The following TPD52 variants were observed in gnomAD, a reference collection of about 807,000 sequenced individuals.
The protein encoded by TPD52 is prostate and colon associated protein.
Under a neutral mutation model 31.3 loss-of-function variants are expected in TPD52, and 17 were observed. The ratio of observed to expected loss-of-function variants is 0.54; its 90% CI spans 0.37 to 0.82. TPD52 has a LOEUF of 0.82. TPD52 is among the 40% of genes least tolerant of loss of function. TPD52 has a pLI of 0.00. For missense variants in TPD52, 212 were observed against 240.1 expected, an observed-to-expected ratio of 0.88 and a Z score of 0.77; for synonymous variants, 83 against 89.6, an observed-to-expected ratio of 0.93 and a Z score of 0.42.
chr8:80,115,944 A>C (rs1807833041), intron 1 of TPD52, among the ~76,000 whole-genome samples: 1 of 152,264 alleles, frequency 6.6e-6, no homozygotes, highest in Admixed American at 6.5e-5. Context: ...TCTTAATATA[A>C]CAAAAACTTG....
intron 4 of TPD52, 82 bp from the exon 5 acceptor site, chr8:80,050,553 TATA>T (rs1175861883): frequency 3.5e-6 from 5 of 1,409,094 alleles, no homozygotes; most frequent in Admixed American, 4.3e-5. Context: ...GTTTTAAACA[TATA>T]ATGTTTTCCC....
intron 1 of TPD52, among the ~76,000 whole-genome samples, chr8:80,124,135 G>T (rs1019600427): frequency 2.0e-5 from 3 of 150,948 alleles, no homozygotes; most frequent in African/African-American, 7.3e-5. Flanking sequence ...TGTAGCCAAA[G>T]AAGGGGTTAT....
chr8:80,081,322 A>G (rs1180514911), intron 1 of TPD52, among the ~76,000 whole-genome samples: 1 of 152,170 alleles, frequency 6.6e-6, no homozygotes, highest in Non-Finnish European at 1.5e-5. Flanking sequence ...CCCACCCTGC[A>G]GAAGGACTGG....
chr8:80,079,928 T>C (rs529004334), intron 1 of TPD52, among the ~76,000 whole-genome samples: 20 of 152,340 alleles, frequency 1.3e-4, no homozygotes, highest in African/African-American at 4.6e-4. Flanking sequence ...GAGTCAGTGC[T>C]TAACCATCAT....
At chr8:80,146,129 G>A (rs1274505830) in intron 1 of TPD52, among the ~76,000 whole-genome samples, 1 of 152,224 alleles carries the variant, frequency 6.6e-6, no homozygotes, top group Non-Finnish European at 1.5e-5. Flanking sequence ...GGTTTAGAAG[G>A]CAGAGGGGAC....
chr8:80,114,492 T>C (rs940199578), intron 1 of TPD52, among the ~76,000 whole-genome samples: 3 of 152,164 alleles, frequency 2.0e-5, no homozygotes, highest in South Asian at 2.1e-4. Context: ...CTGACACACA[T>C]AAATATTTGT....
At chr8:80,168,138 A>G (rs193136526) in intron 1 of TPD52, among the ~76,000 whole-genome samples, 53 of 152,368 alleles carry the variant, frequency 3.5e-4, no homozygotes, top group Non-Finnish European at 7.1e-4. Context: ...CACTGTAAGC[A>G]GAGTATTGTA....
intron 1 of TPD52, chr8:80,123,044 C>G (rs1808367331): frequency 1.3e-5 from 2 of 152,430 alleles, no homozygotes; most frequent in Admixed American, 1.3e-4. Context: ...CTCAGGAGCA[C>G]TACTGAGGTC....
intron 1 of TPD52, among the ~76,000 whole-genome samples, chr8:80,167,083 T>C (rs1383750511): frequency 7.2e-5 from 11 of 152,172 alleles, no homozygotes; most frequent in Admixed American, 7.2e-4. Context: ...CAAAAGGCAT[T>C]TTTACATTCT....
intron 1 of TPD52, among the ~76,000 whole-genome samples, chr8:80,168,358 T>C (rs904387826): frequency 6.6e-6 from 1 of 152,202 alleles, no homozygotes; most frequent in African/African-American, 2.4e-5. Flanking sequence ...AATAGATAAA[T>C]GCATGTAAGA....
chr8:80,150,748 A>G (rs529150336), intron 1 of TPD52, among the ~76,000 whole-genome samples: 1 of 152,260 alleles, frequency 6.6e-6, no homozygotes, highest in East Asian at 1.9e-4. Context: ...GAATGGCTGT[A>G]TTTACCCAAT....
At chr8:80,128,456 A>G (rs915608637) in intron 1 of TPD52, among the ~76,000 whole-genome samples, 3 of 142,230 alleles carry the variant, frequency 2.1e-5, no homozygotes, top group African/African-American at 8.1e-5. Context: ...GGAGTTCAAG[A>G]CCCCTAGCCT....
At chr8:80,058,817 C>CA (rs537351760) in intron 2 of TPD52, among the ~76,000 whole-genome samples, 79 of 152,096 alleles carry the variant, frequency 5.2e-4, no homozygotes, top group African/African-American at 1.8e-3. Context: ...CAAAACAAAA[C>CA]AAAAAAACAA....
chr8:80,107,435 C>A (rs909954228), intron 1 of TPD52, among the ~76,000 whole-genome samples: 9 of 152,152 alleles, frequency 5.9e-5, no homozygotes, highest in Non-Finnish European at 1.5e-5. Context: ...AGATGAGAAA[C>A]AAAAGGTTTC....
intron 1 of TPD52, among the ~76,000 whole-genome samples, chr8:80,141,738 C>T (rs1210161553): frequency 1.3e-5 from 2 of 152,006 alleles, no homozygotes; most frequent in Non-Finnish European, 2.9e-5. Flanking sequence ...GGTGAAATCC[C>T]GTCTCTACTA....
chr8:80,057,440 C>T (rs1192220344), intron 2 of TPD52, among the ~76,000 whole-genome samples: 2 of 152,136 alleles, frequency 1.3e-5, no homozygotes, highest in Non-Finnish European at 2.9e-5. Flanking sequence ...AACCCCGGTG[C>T]CCACTGTCCA....
At chr8:80,151,744 T>C in intron 1 of TPD52, among the ~76,000 whole-genome samples, 1 of 152,198 alleles carries the variant, frequency 6.6e-6, no homozygotes, top group Non-Finnish European at 1.5e-5. Context: ...AAAGGCACTG[T>C]TCTGACATTG....
At chr8:80,080,548 T>C in intron 1 of TPD52, 1 of 1,499,800 alleles carries the variant, frequency 6.7e-7, no homozygotes. Context: ...AGGGTGCAAC[T>C]TCACTGAAGA....
At chr8:80,033,218 C>T (rs527752438), downstream of TPD52, 1 of 152,130 alleles carries the variant, frequency 6.6e-6, no homozygotes, top group East Asian at 1.9e-4. Flanking sequence ...TACAGCATGT[C>T]ACAGCCCTGG....
Sources: allele counts gnomAD v4.1 joint callset (sites outside exome capture counted in the v4.1 genomes callset), GRCh38; gene constraint gnomAD v4.1.1; transcripts MANE v1.5; gene names NCBI Gene and HGNC (gene_info 2026-07-23, HGNC 2026-07-21).